Variants in XYLT1 observed in about 807,000 individuals in gnomAD.
The protein encoded by XYLT1 is beta-D-xylosyltransferase 1.
A neutral mutation model predicts 91.3 loss-of-function variants in XYLT1; 36 were observed. The ratio of observed to expected loss-of-function variants is 0.39; its 90% CI spans 0.30 to 0.52. The LOEUF is 0.52. XYLT1 is among the 20% of genes least tolerant of loss of function. The pLI, the probability that XYLT1 is intolerant of heterozygous loss-of-function variation, is 0.68. For missense variants in XYLT1, 1,242 were observed against 1,284.5 expected, an observed-to-expected ratio of 0.97 and a Z score of 0.51; for synonymous variants, 588 against 532.0, an observed-to-expected ratio of 1.11 and a Z score of -1.45.
chr16:17,174,109 C>A (rs572982410), intron 5 of XYLT1, among the ~76,000 whole-genome samples: 11 of 152,158 alleles, frequency 7.2e-5, no homozygotes, highest in Non-Finnish European at 1.5e-4. Context: ...GTGGTTGTTC[C>A]CTGGCTGGCC....
intron 1 of XYLT1, among the ~76,000 whole-genome samples, chr16:17,388,933 T>C (rs1204502648): frequency 6.6e-6 from 1 of 152,164 alleles, no homozygotes; most frequent in Non-Finnish European, 1.5e-5. Flanking sequence ...GTTGTTCTGA[T>C]TGATCAGTGG....
At chr16:17,363,868 G>A (rs946542370) in intron 1 of XYLT1, among the ~76,000 whole-genome samples, 2 of 152,050 alleles carry the variant, frequency 1.3e-5, no homozygotes, top group African/African-American at 4.8e-5. Context: ...TAGTAGAGAT[G>A]GGCTTTTGCC....
intron 5 of XYLT1, among the ~76,000 whole-genome samples, chr16:17,184,031 G>C (rs1597175447): frequency 6.6e-6 from 1 of 152,022 alleles, no homozygotes; most frequent in East Asian, 1.9e-4. Context: ...GTAAGGAACA[G>C]GCAAGGGAAG....
chr16:17,469,462 C>G (rs1424498518), intron 1 of XYLT1, among the ~76,000 whole-genome samples: 1 of 152,218 alleles, frequency 6.6e-6, no homozygotes, highest in Non-Finnish European at 1.5e-5. Flanking sequence ...GCCCCATGTG[C>G]TCCTGCTCCT....
intron 1 of XYLT1, among the ~76,000 whole-genome samples, chr16:17,370,995 T>C (rs2035524913): frequency 6.6e-6 from 1 of 152,140 alleles, no homozygotes; most frequent in Non-Finnish European, 1.5e-5. Context: ...AATCTCTGGT[T>C]TAGTGGATCC....
chr16:17,120,075 A>G (rs1444696193), intron 10 of XYLT1, among the ~76,000 whole-genome samples: 1 of 152,086 alleles, frequency 6.6e-6, no homozygotes, highest in Non-Finnish European at 1.5e-5. Flanking sequence ...CAGACTTATG[A>G]AATCTTGGTA....
At chr16:17,132,628 C>A (rs912513862) in intron 9 of XYLT1, among the ~76,000 whole-genome samples, 3 of 149,832 alleles carry the variant, frequency 2.0e-5, no homozygotes, top group African/African-American at 2.5e-5. Flanking sequence ...CAAGGCTGGG[C>A]GCAATGGCTC....
At chr16:17,141,862 G>A (rs2030986367) in intron 6 of XYLT1, among the ~76,000 whole-genome samples, 1 of 152,194 alleles carries the variant, frequency 6.6e-6, no homozygotes, top group Non-Finnish European at 1.5e-5. Flanking sequence ...AGTAATGCCT[G>A]TGCTTCTTGA....
chr16:17,299,523 C>T (rs763072318), intron 2 of XYLT1, among the ~76,000 whole-genome samples: 10 of 152,286 alleles, frequency 6.6e-5, no homozygotes, highest in African/African-American at 1.9e-4. Context: ...TAATTACAGA[C>T]GACGCTGCTG....
At chr16:17,341,870 T>C (rs1279308577) in intron 2 of XYLT1, among the ~76,000 whole-genome samples, 1 of 152,196 alleles carries the variant, frequency 6.6e-6, no homozygotes. Flanking sequence ...TATAAACTAC[T>C]TCTTTTGGCT....
intron 1 of XYLT1, among the ~76,000 whole-genome samples, chr16:17,443,342 T>C (rs1258784266): frequency 6.6e-6 from 1 of 152,182 alleles, no homozygotes; most frequent in African/African-American, 2.4e-5. Context: ...CGAACTGTAA[T>C]CCCCGTGTCG....
chr16:17,435,814 G>A (rs34876535), intron 1 of XYLT1, among the ~76,000 whole-genome samples: 17,356 of 152,254 alleles, frequency 0.11, 1,101 homozygotes, highest in Non-Finnish European at 0.15. Flanking sequence ...AGCTGGGGTA[G>A]ATGTTGTGCA....
chr16:17,138,497 T>A lies in XYLT1; in HGVS notation c.1622A>T (p.His541Leu). 6.2e-7 allele frequency: 1 copy of A among 1,613,884 alleles called. No individual in the cohort carries two copies. The highest frequency in any genetic ancestry group is 8.5e-7 in the Non-Finnish European group (1 of 1,179,996). The change falls in exon 8 of 12, where the codon CAC (histidine) becomes CTC (leucine). Residue 541 changes from histidine to leucine, a missense_variant. This residue lies in a region of XYLT1 where 294 missense variants were observed against 376.0 expected (regional missense o/e 0.78). Transcript: ENST00000261381. Reference sequence around the variant, plus strand: ...GTTGTTGTCCACCATGGTGTCGCAGTGGGGGCTGTTCTCCAGGACCGTATG... The same window carrying A: ...GTTGTTGTCCACCATGGTGTCGCAGAGGGGGCTGTTCTCCAGGACCGTATG... ...FFHTVLENSP[H>L]CDTMVDNNLR... is the part of the protein sequence containing the mutation.
At chr16:17,294,512 A>G (rs1177305845) in intron 2 of XYLT1, among the ~76,000 whole-genome samples, 1 of 152,176 alleles carries the variant, frequency 6.6e-6, no homozygotes, top group African/African-American at 2.4e-5. Flanking sequence ...ATGTTTATTC[A>G]GAGCATGGGG....
rs187211512 is a variant in XYLT1, at chr16:17,405,871, G to A, written c.364-47821C>T. On this transcript the variant is annotated intron_variant, in intron 1 of 11. Transcript: ENST00000261381. ...CTCAGTTACTTCCTATCCATACAGA[G>A]GGGGGATGAAAACTTTAAGATTTCA... Among the ~76,000 whole-genome samples, 7 of 152,310 alleles carry A rather than the reference G, an allele frequency of 4.6e-5. No individual in the cohort carries two copies. The East Asian group carries it at 7.7e-4, about 17-fold the overall frequency.
intron 10 of XYLT1, among the ~76,000 whole-genome samples, chr16:17,126,648 C>T (rs1235281239): frequency 6.6e-6 from 1 of 152,202 alleles, no homozygotes; most frequent in Non-Finnish European, 1.5e-5. Flanking sequence ...CCATAGTCTA[C>T]AATCAGACTC....
chr16:17,470,951 A>C lies in XYLT1; in HGVS notation c.-155T>G. On this transcript the variant is annotated 5_prime_UTR_variant, in exon 1 of 12. Transcript: ENST00000261381. The stretch of plus-strand genomic sequence containing the variant: ...CTCCCCACACCCCTGTCCCCGCTGG[A>C]GGGGAGGGTGATGGGGAAGGCGCCG... 2 of 3,894 alleles carry C rather than the reference A, an allele frequency of 5.1e-4. No homozygotes were observed. The highest frequency in any genetic ancestry group is 1.5e-3 in the Non-Finnish European group (2 of 1,344). 0.2% of individuals were successfully genotyped at this position (3,894 alleles called of 1,614,324 possible). A position where few individuals can be genotyped will look rare whatever the true frequency, so the allele number is the denominator to read the frequency against.
At chr16:17,241,309 G>A (rs2141734710) in intron 3 of XYLT1, among the ~76,000 whole-genome samples, 1 of 152,308 alleles carries the variant, frequency 6.6e-6, no homozygotes, top group Non-Finnish European at 1.5e-5. Flanking sequence ...TGCTCTTTGA[G>A]GTTTAGGCTG....
intron 2 of XYLT1, among the ~76,000 whole-genome samples, chr16:17,273,409 CCAAGTGTGGA>C (rs2033924463): frequency 1.3e-5 from 2 of 152,200 alleles, no homozygotes; most frequent in African/African-American, 4.8e-5. Context: ...CCCCTTGCAA[CCAAGTGTGGA>C]CCACTGGCCA....
Sources: gnomAD v4.1 joint callset for allele counts (sites outside exome capture counted in the v4.1 genomes callset) on GRCh38, gnomAD v4.1.1 for gene constraint, gnomAD v4.1.1 regional missense constraint, MANE v1.5 for transcripts, NCBI Gene and HGNC (gene_info 2026-07-23, HGNC 2026-07-21) for gene names.